Variants in TRMT44 observed in about 807,000 individuals in gnomAD.
TRMT44 encodes the protein probable tRNA (uracil-O(2)-)-methyltransferase.
A neutral mutation model predicts 77.3 loss-of-function variants in TRMT44; 78 were observed. The observed-to-expected ratio is 1.01, with a 90% CI of 0.84 to 1.22. The LOEUF is 1.22. Ranked by LOEUF, TRMT44 falls within the 50% of genes most tolerant of loss-of-function variation. The probability of loss-of-function intolerance (pLI) is 0.00; values close to 1 mark genes in which losing one functional copy is unlikely to be tolerated. For missense variants in TRMT44, 1,090 were observed against 964.4 expected (o/e 1.13, Z -1.73); for synonymous variants, 391 against 383.3 (o/e 1.02, Z -0.23).
intron 2 of TRMT44, 93 bp from the exon 3 acceptor site, chr4:8,449,571 TCTTAG>T: frequency 2.1e-6 from 2 of 970,682 alleles, no homozygotes; most frequent in South Asian, 1.8e-5. Flanking sequence ...AATATAGATG[TCTTAG>T]CTTCTGTTTT....
intron 6 of TRMT44, among the ~76,000 whole-genome samples, chr4:8,463,543 G>A (rs1484605516): frequency 2.6e-5 from 4 of 152,202 alleles, no homozygotes; most frequent in African/African-American, 9.7e-5. Context: ...TGAAAGGCCT[G>A]TGAGGTTAGA....
intron 7 of TRMT44, 46 bp downstream of exon 7, chr4:8,464,137 A>G (rs183758688): frequency 1.8e-5 from 28 of 1,537,018 alleles, no homozygotes; most frequent in South Asian, 9.1e-5. Context: ...GGAATGCTTC[A>G]TCTTCTAAAC....
chr4:8,454,173 G>A (rs953299821), intron 5 of TRMT44, among the ~76,000 whole-genome samples: 3 of 152,208 alleles, frequency 2.0e-5, no homozygotes, highest in African/African-American at 4.8e-5. Context: ...ATTGGCTCAC[G>A]TTCTCAGGTG....
In TRMT44 at chr4:8,456,079, G is replaced by T. The variant is rs147560094; in HGVS notation, c.1203+1266G>T. Among the ~76,000 whole-genome samples, 29 of 152,322 alleles carry T rather than the reference G, an allele frequency of 1.9e-4. No homozygotes were observed. The East Asian group carries it at 5.4e-3, about 28-fold the overall frequency. On this transcript the variant is annotated intron_variant, in intron 6 of 10. Coordinates refer to ENST00000389737, the MANE Select transcript of TRMT44 (RefSeq NM_152544.3). ...AAACTTACACAAACCCAGACTGTATGTGGTGTCATTCTCTGTCAAGAGAAA... is the reference window on the plus strand; with the variant it reads ...AAACTTACACAAACCCAGACTGTATTTGGTGTCATTCTCTGTCAAGAGAAA...
intron 9 of TRMT44, among the ~76,000 whole-genome samples, chr4:8,470,569 G>C (rs1319934312): frequency 6.6e-6 from 1 of 152,244 alleles, no homozygotes; most frequent in Non-Finnish European, 1.5e-5. Context: ...GAATGGGAAA[G>C]AGACCATCAC....
At chr4:8,442,096 AAAGG>A (rs1724759189) in intron 1 of TRMT44, among the ~76,000 whole-genome samples, 1 of 152,234 alleles carries the variant, frequency 6.6e-6, no homozygotes, top group African/African-American at 2.4e-5. Flanking sequence ...GTAGTGATTC[AAAGG>A]AGTGTCTTTC....
the TRMT44 span, among the ~76,000 whole-genome samples, chr4:8,513,734 A>T: frequency 5.3e-5 from 8 of 151,906 alleles, no homozygotes; most frequent in East Asian, 1.2e-3. Context: ...TTTTAAAAAG[A>T]CACATCACAA....
intron 1 of TRMT44, among the ~76,000 whole-genome samples, chr4:8,442,802 C>G (rs1724833303): frequency 6.6e-6 from 1 of 152,298 alleles, no homozygotes; most frequent in South Asian, 2.1e-4. Context: ...GAATTCTTCT[C>G]ATACTTGGAA....
intron 5 of TRMT44, 143 bp downstream of exon 5, chr4:8,453,132 T>C (rs998010492): frequency 2.0e-6 from 1 of 500,498 alleles, no homozygotes; most frequent in African/African-American, 2.0e-5. Context: ...GACTTATAAA[T>C]TTCTGTTAAT....
At chr4:8,477,428 G>A, downstream of TRMT44, 1 of 152,238 alleles carries the variant, frequency 6.6e-6, no homozygotes, top group Admixed American at 6.5e-5. Flanking sequence ...GTGGCCCTTT[G>A]GGGCAGGCCC....
chr4:8,468,766 AATCATCC>A (rs1344329156), intron 9 of TRMT44, among the ~76,000 whole-genome samples: 1 of 152,272 alleles, frequency 6.6e-6, no homozygotes, highest in Non-Finnish European at 1.5e-5. Context: ...AAAACACAAC[AATCATCC>A]ATGGCAAAAG....
downstream of TRMT44, among the ~76,000 whole-genome samples, chr4:8,496,226 C>T (rs892816010): frequency 6.6e-6 from 1 of 152,350 alleles, no homozygotes; most frequent in East Asian, 1.9e-4. Context: ...ACCCTGCTCC[C>T]ACTGTGGAGT....
chr4:8,490,337 G>A (rs142623620), intron 2 of TRMT44, among the ~76,000 whole-genome samples: 28 of 151,988 alleles, frequency 1.8e-4, no homozygotes, highest in Non-Finnish European at 2.8e-4. Flanking sequence ...AAGGTGGTGC[G>A]TCCGGAGTTT....
downstream of TRMT44, among the ~76,000 whole-genome samples, chr4:8,497,985 G>T (rs898898200): frequency 1.3e-5 from 2 of 152,220 alleles, no homozygotes; most frequent in Non-Finnish European, 2.9e-5. Flanking sequence ...TGGGCTGAGA[G>T]CATGGCCTTG....
Position 8,452,882 on chromosome 4 carries a change from A to G in TRMT44, c.1024A>G (p.Ile342Val), listed in dbSNP as rs1232900807. 6.6e-7 allele frequency: 1 copy of G among 1,518,402 alleles called. No homozygotes were observed. The highest frequency in any genetic ancestry group is 2.5e-5 in the East Asian group (1 of 40,444). 94.1% of individuals were successfully genotyped at this position (1,518,402 alleles called of 1,614,324 possible). A position where few individuals can be genotyped will look rare whatever the true frequency, so the allele number is the denominator to read the frequency against. ...TTGTTTTGTTTTTCTCTTCACTTAG[A>G]TTCTATGGGAAGAAGAAAGGGCTGA... is the stretch of plus-strand genomic sequence containing the variant. The part of the protein sequence containing the change: ...EDVAIAAYLL[I>V]LWEEERAERR... The change falls in exon 5 of 11, where the codon ATT (isoleucine) becomes GTT (valine). Residue 342 changes from isoleucine (I) to valine (V), a missense_variant and splice_region_variant. Physicochemically the swap from Ile to Val is conservative, Grantham distance 29. Coordinates refer to ENST00000389737, the MANE Select transcript of TRMT44 (RefSeq NM_152544.3). The surrounding 1 kb of genome is among the most constrained non-coding windows in gnomAD (Gnocchi z 5.7).
At chr4:8,477,188 A>G (rs894133849), downstream of TRMT44, 2 of 152,202 alleles carry the variant, frequency 1.3e-5, no homozygotes, top group African/African-American at 4.8e-5. Context: ...GCCGTGTGGC[A>G]TTCCGTGGCA....
the TRMT44 span, among the ~76,000 whole-genome samples, chr4:8,506,070 A>G: frequency 6.6e-6 from 1 of 152,220 alleles, no homozygotes; most frequent in Admixed American, 6.5e-5. Flanking sequence ...ACAGCAAATC[A>G]CAGCACCATA....
intron 9 of TRMT44, chr4:8,468,705 T>G (rs987880016): frequency 1.1e-5 from 5 of 471,102 alleles, no homozygotes; most frequent in African/African-American, 5.8e-5. Context: ...GAGTATGTGG[T>G]AAGATTTGGA....
intron 8 of TRMT44, among the ~76,000 whole-genome samples, chr4:8,466,939 C>T (rs1195912065): frequency 2.0e-5 from 3 of 152,170 alleles, no homozygotes; most frequent in Admixed American, 6.5e-5. Context: ...AGAGGTGTGG[C>T]TGTCACGTAG....
Sources: gnomAD v4.1 joint callset for allele counts (sites outside exome capture counted in the v4.1 genomes callset) on GRCh38, gnomAD v4.1.1 for gene constraint, Gnocchi (gnomAD v3.1) non-coding constraint, MANE v1.5 for transcripts, NCBI Gene and HGNC (gene_info 2026-07-23, HGNC 2026-07-21) for gene names.